The following CFAP20DC variants were observed in gnomAD, a reference collection of about 807,000 sequenced individuals.
CFAP20DC encodes CFAP20 domain containing, also known as protein CFAP20DC.
Under a neutral mutation model 101.7 loss-of-function variants are expected in CFAP20DC, and 84 were observed. That is an observed-to-expected ratio of 0.83 (90% confidence interval 0.69 to 0.99). The LOEUF (loss-of-function observed/expected upper bound fraction) is 0.99. CFAP20DC is among the 50% of genes least tolerant of loss of function. CFAP20DC has a pLI of 0.00. For synonymous variants in CFAP20DC, 359 were observed against 351.2 expected (o/e 1.02, Z -0.25); for missense variants, 1,007 against 970.3 (o/e 1.04, Z -0.50).
At chr3:58,820,033 G>C (rs2075509099) in intron 14 of CFAP20DC, among the ~76,000 whole-genome samples, 2 of 148,704 alleles carry the variant, frequency 1.3e-5, no homozygotes, top group Non-Finnish European at 3.0e-5. Context: ...CAGAGCCAAA[G>C]ACAAAAACCA....
At chr3:59,036,548 C>T (rs924132526) in intron 4 of CFAP20DC, among the ~76,000 whole-genome samples, 2 of 152,046 alleles carry the variant, frequency 1.3e-5, no homozygotes, top group Non-Finnish European at 2.9e-5. Flanking sequence ...TTCACAAGTG[C>T]TACAAAGAGA....
chr3:58,717,089 G>A (rs2067409247), downstream of CFAP20DC, among the ~76,000 whole-genome samples: 1 of 152,034 alleles, frequency 6.6e-6, no homozygotes, highest in Admixed American at 6.6e-5. The surrounding 1 kb of genome is among the most constrained non-coding windows in gnomAD (Gnocchi z 4.1). Context: ...TCAGTCAAGA[G>A]TAGTTGCTAC....
intron 15 of CFAP20DC, among the ~76,000 whole-genome samples, chr3:58,758,168 A>C (rs1330203827): frequency 1.3e-5 from 2 of 152,076 alleles, no homozygotes; most frequent in Non-Finnish European, 2.9e-5. Flanking sequence ...TTTTTATTTT[A>C]CTTTATGTAT....
At position 58,728,716 on chromosome 3, in the gene CFAP20DC, T is replaced by C. The variant is rs77703934; in HGVS notation, c.198-11088A>G. 0.068 allele frequency among the ~76,000 whole-genome samples: 10,281 copies of C among 152,238 alleles called. 654 individuals carry two copies. Among genetic ancestry groups the C allele is most frequent in the East Asian group, 0.35 (1,827 of 5,174 alleles). ...AAATGCATGAACTCTACACACCGTA[T>C]TGGAGAGAACTGACATTTTAATAAT... On this transcript the variant is annotated intron_variant, in intron 3 of 3. Coordinates refer to the CFAP20DC transcript ENST00000486145. This position sits in a 1 kb window ranked among gnomAD's most constrained non-coding sequence, Gnocchi z 4.7.
intron 15 of CFAP20DC, among the ~76,000 whole-genome samples, chr3:58,759,780 C>A (rs369062721): frequency 3.4e-4 from 52 of 152,220 alleles, no homozygotes; most frequent in Middle Eastern, 3.4e-3. Flanking sequence ...AGCACCATTT[C>A]TTAAATAGGT....
At position 58,961,168 on chromosome 3, in the gene CFAP20DC, T is replaced by C. The variant is rs777286230; in HGVS notation, c.279-23406A>G. Among the ~76,000 whole-genome samples the C allele has an allele frequency of 5.3e-5, 8 of 152,264 alleles. No individual in the cohort carries two copies. In the South Asian group the frequency reaches 1.7e-3, roughly 31 times the overall value. ...CTAATATTTTTGTTGAAGGTTTTTA[T>C]ATGTGTATTTATGAAGAATATTAGT... On this transcript the variant is annotated intron_variant, in intron 4 of 16. Transcript: ENST00000482387.
chr3:58,794,340 A>G (rs1020260015), intron 15 of CFAP20DC: 3 of 456,008 alleles, frequency 6.6e-6, no homozygotes, highest in African/African-American at 6.0e-5. Context: ...GCTTTTAAAA[A>G]TCAATGGACA....
rs1366969393 is a variant in CFAP20DC, at chr3:58,815,804, A to T, written c.2176-9348T>A. 1.8e-3 allele frequency among the ~76,000 whole-genome samples: 268 copies of T among 149,990 alleles called. 4 individuals are homozygous for T. Among genetic ancestry groups the T allele is most frequent in the African/African-American group, 6.0e-3 (243 of 40,742 alleles). On this transcript the variant is annotated intron_variant, in intron 14 of 16. Transcript: ENST00000482387. ...TCAGAGAAATGCAAATCAAAACCAC[A>T]ATGAGATACCATCTCACACCAGTTA...
intron 4 of CFAP20DC, among the ~76,000 whole-genome samples, chr3:58,938,482 C>A (rs1278849512): frequency 6.6e-6 from 1 of 152,158 alleles, no homozygotes; most frequent in South Asian, 2.1e-4. Flanking sequence ...CTGTCTCACA[C>A]TGCTATATTA....
chr3:58,981,652 A>G (rs1238933047), intron 4 of CFAP20DC, among the ~76,000 whole-genome samples: 1 of 152,264 alleles, frequency 6.6e-6, no homozygotes, highest in Non-Finnish European at 1.5e-5. Flanking sequence ...CTGGCTAGCC[A>G]TATGTAGAAA....
intron 3 of CFAP20DC, among the ~76,000 whole-genome samples, chr3:59,044,987 G>GACACACACAC (rs57196071): frequency 6.0e-4 from 84 of 139,930 alleles, no homozygotes; most frequent in African/African-American, 2.1e-3. Flanking sequence ...TCCTATTACA[G>GACACACACAC]ACACACACAC....
intron 3 of CFAP20DC, among the ~76,000 whole-genome samples, chr3:59,045,996 ATCT>A (rs1266314118): frequency 1.9e-4 from 29 of 152,112 alleles, no homozygotes; most frequent in African/African-American, 7.0e-4. Context: ...ACTCTTCTAA[ATCT>A]TCTTTAAGAT....
Position 58,742,315 on chromosome 3 carries a change from A to AT in CFAP20DC, c.*144dup. The AT allele has an allele frequency of 7.9e-7, 1 of 1,262,622 alleles. No homozygotes were observed. Among genetic ancestry groups the AT allele is most frequent in the Non-Finnish European group, 1.0e-6 (1 of 998,302 alleles). 78.2% of individuals were successfully genotyped at this position (1,262,622 alleles called of 1,614,324 possible). ...AATATAGGTATTCTTAACGTTGAAC[A>AT]TTATTTACAAAATGAATTCGTTTCT... On this transcript the variant is annotated 3_prime_UTR_variant, in exon 17 of 17. Coordinates refer to ENST00000482387, the MANE Select transcript of CFAP20DC (RefSeq NM_001394063.1).
intron 15 of CFAP20DC, among the ~76,000 whole-genome samples, chr3:58,760,715 A>G (rs2069481500): frequency 1.3e-5 from 2 of 152,158 alleles, no homozygotes; most frequent in Admixed American, 6.5e-5. Flanking sequence ...TCCCAGCAAT[A>G]CCTAATTTAT....
intron 3 of CFAP20DC, chr3:58,734,589 G>T (rs1325295632): frequency 2.2e-6 from 1 of 456,304 alleles, no homozygotes; most frequent in African/African-American, 2.0e-5. Context: ...AACAAACTCA[G>T]TCTCACTTCA....
intron 15 of CFAP20DC, among the ~76,000 whole-genome samples, chr3:58,797,378 GCCACAA>G (rs1280589131): frequency 1.3e-5 from 2 of 152,190 alleles, no homozygotes; most frequent in African/African-American, 4.8e-5. Context: ...CATCAAACCA[GCCACAA>G]CATTCCCTTA....
intron 3 of CFAP20DC, among the ~76,000 whole-genome samples, chr3:58,718,578 C>T (rs887444590): frequency 3.9e-5 from 6 of 152,228 alleles, no homozygotes; most frequent in Non-Finnish European, 8.8e-5. Context: ...AGCCCCTTGT[C>T]CTGCGGGCAC....
intron 15 of CFAP20DC, among the ~76,000 whole-genome samples, chr3:58,763,362 T>C (rs2069871251): frequency 6.6e-6 from 1 of 152,232 alleles, no homozygotes; most frequent in East Asian, 1.9e-4. Flanking sequence ...CATCACGTAG[T>C]TCTTGTGCCT....
intron 14 of CFAP20DC, among the ~76,000 whole-genome samples, chr3:58,811,541 T>C (rs988029060): frequency 1.3e-5 from 2 of 152,026 alleles, no homozygotes; most frequent in Admixed American, 6.6e-5. Flanking sequence ...TTATACCTTA[T>C]AAAAAAATTA....
Sources: allele counts gnomAD v4.1 joint callset (sites outside exome capture counted in the v4.1 genomes callset), GRCh38; gene constraint gnomAD v4.1.1; non-coding constraint Gnocchi (gnomAD v3.1); transcripts MANE v1.5; gene names NCBI Gene and HGNC (gene_info 2026-07-23, HGNC 2026-07-21).